Variants in RTKN2 observed in about 807,000 individuals in gnomAD.
RTKN2 encodes rhotekin 2, also known as rhotekin-2.
A neutral mutation model predicts 71.5 loss-of-function variants in RTKN2; 69 were observed. The observed-to-expected ratio is 0.96, with a 90% CI of 0.79 to 1.18. The LOEUF is 1.18. RTKN2 is among the 50% of genes most tolerant of loss of function. The pLI is 0.00. For missense variants in RTKN2, 724 were observed against 719.7 expected, an observed-to-expected ratio of 1.01 and a Z score of -0.07; for synonymous variants, 236 against 236.5, an observed-to-expected ratio of 1.00 and a Z score of 0.02.
At chr10:62,200,807 T>C (rs1315987332) in intron 10 of RTKN2, among the ~76,000 whole-genome samples, 2 of 152,064 alleles carry the variant, frequency 1.3e-5, no homozygotes, top group Admixed American at 6.5e-5. Flanking sequence ...TAAAGTCATA[T>C]CACCCAATAA....
chr10:62,218,622 T>C (rs1841832288), intron 7 of RTKN2, among the ~76,000 whole-genome samples: 1 of 152,224 alleles, frequency 6.6e-6, no homozygotes, highest in South Asian at 2.1e-4. Context: ...ATATAAGTGA[T>C]CTCATTTAAT....
At chr10:62,262,870 T>C (rs1361793321) in intron 1 of RTKN2, 49 bp from the exon 2 acceptor site, 1 of 1,266,520 alleles carries the variant, frequency 7.9e-7, no homozygotes, top group Non-Finnish European at 1.1e-6. Flanking sequence ...CAAAATTACA[T>C]CTTAACCCAT....
chr10:62,222,212 G>A (rs943337001), intron 7 of RTKN2, among the ~76,000 whole-genome samples: 10 of 152,112 alleles, frequency 6.6e-5, no homozygotes, highest in Non-Finnish European at 1.5e-4. Flanking sequence ...GGGGTCAGGC[G>A]ATCCTCCTAC....
At chr10:62,242,770 C>T (rs765890271) in intron 3 of RTKN2, among the ~76,000 whole-genome samples, 71 of 151,960 alleles carry the variant, frequency 4.7e-4, no homozygotes, top group Admixed American at 1.3e-3. Context: ...GCTGGGTTTA[C>T]GGGCATGCAC....
intron 7 of RTKN2, among the ~76,000 whole-genome samples, chr10:62,221,347 C>A (rs1272703179): frequency 6.6e-6 from 1 of 151,684 alleles, no homozygotes; most frequent in Non-Finnish European, 1.5e-5. Context: ...GAAAAATTGC[C>A]TTAAAAGGCA....
At position 62,195,988 on chromosome 10, in the gene RTKN2, C is replaced by T; in HGVS notation, c.*1920G>A. On this transcript the variant is annotated 3_prime_UTR_variant, in exon 12 of 12. Coordinates refer to ENST00000373789, the MANE Select transcript of RTKN2 (RefSeq NM_145307.4). ...CTGTTATCTGCATGAGGAAAAATGACAAGAATATAATCTGGAAGTTTTAAT... is the reference window on the plus strand; with the variant it reads ...CTGTTATCTGCATGAGGAAAAATGATAAGAATATAATCTGGAAGTTTTAAT... 1 of 984,534 alleles carries T rather than the reference C, an allele frequency of 1.0e-6. No individual in the cohort carries two copies. Among genetic ancestry groups the T allele is most frequent in the East Asian group, 1.1e-4 (1 of 8,792 alleles). 61.0% of individuals were successfully genotyped at this position (984,534 alleles called of 1,614,324 possible). A position where few individuals can be genotyped will look rare whatever the true frequency, so the allele number is the denominator to read the frequency against.
At chr10:62,241,670 T>C (rs1038745811) in intron 3 of RTKN2, among the ~76,000 whole-genome samples, 4 of 151,990 alleles carry the variant, frequency 2.6e-5, no homozygotes, top group Non-Finnish European at 4.4e-5. Context: ...CCTTGAACTC[T>C]AGGGCTCAAG....
At chr10:62,238,490 G>A (rs1842304361) in intron 5 of RTKN2, 1 of 151,768 alleles carries the variant, frequency 6.6e-6, no homozygotes, top group Non-Finnish European at 1.5e-5. Context: ...GAAGAAAAGG[G>A]CCCATCAACT....
At chr10:62,215,050 G>A (rs777368783) in intron 9 of RTKN2, 36 of 1,509,234 alleles carry the variant, frequency 2.4e-5, no homozygotes, top group East Asian at 2.5e-5. Flanking sequence ...GAGATATGGC[G>A]AGTTGAATTC....
downstream of RTKN2, among the ~76,000 whole-genome samples, chr10:62,192,321 T>A (rs151276325): frequency 6.6e-6 from 1 of 152,344 alleles, no homozygotes; most frequent in African/African-American, 2.4e-5. Context: ...TAAGCTGTAC[T>A]CACTCTCATT....
At chr10:62,261,201 CAT>C (rs1404086974) in intron 2 of RTKN2, among the ~76,000 whole-genome samples, 1 of 152,090 alleles carries the variant, frequency 6.6e-6, no homozygotes, top group Admixed American at 6.5e-5. Flanking sequence ...ATGCTGGAGG[CAT>C]ATAAGAATGA....
chr10:62,223,353 A>T, intron 6 of RTKN2, 21 bp from the exon 7 acceptor site: 1 of 1,403,042 alleles, frequency 7.1e-7, no homozygotes. Flanking sequence ...GAAAGAAGAC[A>T]TGTTTTAAGT....
rs1427544000 is a variant in RTKN2 at position 62,218,279 on chromosome 10, G to T, written c.804C>A (p.Pro268=). The change falls in exon 8 of 12, where the codon CCC becomes CCA. Residue 268 remains proline, a synonymous_variant. Transcript: ENST00000373789. Reference sequence around the variant, plus strand: ...GTCGGCAGCACATGTTGCCATACAGGGGAAGCCAAAATGAAGACTCCTCTA... The same window carrying T: ...GTCGGCAGCACATGTTGCCATACAGTGGAAGCCAAAATGAAGACTCCTCTA... ...NGNEESSFWL[P]LYGNMCCRLV... is the part of the protein sequence containing the mutation. The T allele has an allele frequency of 3.7e-6, 6 of 1,611,530 alleles. No individual in the cohort carries two copies. The highest frequency in any genetic ancestry group is 5.1e-6 in the Non-Finnish European group (6 of 1,178,938).
At chr10:62,261,216 A>G (rs1842767202) in intron 2 of RTKN2, among the ~76,000 whole-genome samples, 1 of 152,252 alleles carries the variant, frequency 6.6e-6, no homozygotes, top group Admixed American at 6.5e-5. Flanking sequence ...AAGAATGAAA[A>G]CTGACATTTG....
At chr10:62,199,351 A>T (rs1589331687) in intron 11 of RTKN2, among the ~76,000 whole-genome samples, 1 of 152,318 alleles carries the variant, frequency 6.6e-6, no homozygotes, top group East Asian at 1.9e-4. Context: ...GAAAGCTTCC[A>T]TTCATTAGTA....
rs775393139 is a variant in RTKN2, at chr10:62,198,225, G to C, written c.1513C>G (p.Pro505Ala). 3 of 1,614,002 alleles carry C rather than the reference G, an allele frequency of 1.9e-6. No homozygotes were observed. The highest frequency in any genetic ancestry group is 1.1e-5 in the South Asian group (1 of 91,074). The part of the protein sequence containing the change: ...HDEKGKKRQA[P>A]LPPSDKLPFS... ...GGAAGTTTATCAGAAGGAGGAAGGG[G>C]AGCTTGTCTCTTTTTCCCTTTTTCA... Residue 505 changes from proline to alanine, a missense_variant, in exon 12 of 12, where the codon CCC becomes GCC. Transcript: ENST00000373789.
At chr10:62,200,673 T>C (rs1005228540) in intron 10 of RTKN2, among the ~76,000 whole-genome samples, 3 of 151,986 alleles carry the variant, frequency 2.0e-5, no homozygotes, top group African/African-American at 7.2e-5. Context: ...GATTAAGAAA[T>C]AAAAATTATT....
chr10:62,215,517 T>C (rs748022750), intron 9 of RTKN2, among the ~76,000 whole-genome samples: 3 of 152,064 alleles, frequency 2.0e-5, no homozygotes, highest in Non-Finnish European at 4.4e-5. Flanking sequence ...CAATTTCTTC[T>C]GTATATTAGA....
At chr10:62,222,137 C>T (rs4979777) in intron 7 of RTKN2, among the ~76,000 whole-genome samples, 111,151 of 151,760 alleles carry the variant, frequency 0.73, 40,968 homozygotes, top group East Asian at 0.9. Context: ...GAGACAGGGT[C>T]TCACTCTGTA....
Sources: allele counts gnomAD v4.1 joint callset (sites outside exome capture counted in the v4.1 genomes callset), GRCh38; gene constraint gnomAD v4.1.1; transcripts MANE v1.5; gene names NCBI Gene and HGNC (gene_info 2026-07-23, HGNC 2026-07-21).